ABI3BP: variants seen among roughly 807,000 people sequenced by gnomAD.
ABI3BP encodes target of Nesh-SH3.
In ABI3BP, 216 loss-of-function variants were observed where a neutral mutation model predicts 268.6. The ratio of observed to expected loss-of-function variants is 0.80; its 90% CI spans 0.72 to 0.90. The LOEUF is 0.90. Ranked by LOEUF, ABI3BP falls within the 40% of genes least tolerant of loss-of-function variation. The pLI, the probability that ABI3BP is intolerant of heterozygous loss-of-function variation, is 0.00. For missense variants in ABI3BP, 2,090 were observed against 2,182.4 expected, an observed-to-expected ratio of 0.96 and a Z score of 0.84; for synonymous variants, 730 against 730.0, an observed-to-expected ratio of 1.00 and a Z score of 0.00.
intron 4 of ABI3BP, among the ~76,000 whole-genome samples, chr3:100,887,681 C>T (rs2042622807): frequency 6.6e-6 from 1 of 152,046 alleles, no homozygotes; most frequent in South Asian, 2.1e-4. Flanking sequence ...CTTTCCTCCA[C>T]TCCTTACATC....
intron 1 of ABI3BP, among the ~76,000 whole-genome samples, chr3:100,946,092 C>T (rs1242919755): frequency 2.0e-5 from 3 of 151,882 alleles, no homozygotes; most frequent in East Asian, 1.9e-4. Flanking sequence ...TGAGATTGGC[C>T]GAACATGGTG....
chr3:100,827,473 G>T (rs967000691), intron 34 of ABI3BP, among the ~76,000 whole-genome samples: 6 of 152,098 alleles, frequency 3.9e-5, no homozygotes, highest in African/African-American at 1.4e-4. Context: ...GTGGTATTAA[G>T]TTTGTGCTGT....
chr3:100,884,091 C>T (rs1396406588), intron 6 of ABI3BP, among the ~76,000 whole-genome samples: 2 of 151,894 alleles, frequency 1.3e-5, no homozygotes, highest in African/African-American at 4.8e-5. Flanking sequence ...GTTTAGAAAA[C>T]AAAAGATGTT....
chr3:100,794,260 A>C (rs2097276351), intron 54 of ABI3BP, among the ~76,000 whole-genome samples: 1 of 152,020 alleles, frequency 6.6e-6, no homozygotes, highest in Non-Finnish European at 1.5e-5. Context: ...CTGAGTGTGT[A>C]GATTCTAATC....
intron 48 of ABI3BP, among the ~76,000 whole-genome samples, chr3:100,810,780 A>G (rs1210780643): frequency 6.6e-6 from 1 of 152,166 alleles, no homozygotes; most frequent in Non-Finnish European, 1.5e-5. Flanking sequence ...ATATTATAGT[A>G]TGAGTCATTT....
At chr3:100,972,586 T>C (rs2084122733) in intron 1 of ABI3BP, among the ~76,000 whole-genome samples, 2 of 152,226 alleles carry the variant, frequency 1.3e-5, no homozygotes, top group Admixed American at 1.3e-4. Context: ...GTTTCTCTAA[T>C]TTGCTTATGG....
intron 6 of ABI3BP, among the ~76,000 whole-genome samples, chr3:100,882,533 G>GTTT (rs2039897344): frequency 6.6e-6 from 1 of 151,352 alleles, no homozygotes; most frequent in Non-Finnish European, 1.5e-5. Context: ...AATGAATTTG[G>GTTT]TTTTTCCTTT....
chr3:100,927,688 AG>A (rs2062240427), intron 1 of ABI3BP, among the ~76,000 whole-genome samples: 1 of 152,122 alleles, frequency 6.6e-6, no homozygotes, highest in Non-Finnish European at 1.5e-5. Context: ...CTCTATCACT[AG>A]GGGGAGGTTG....
chr3:100,809,651 C>T (rs936744072), intron 49 of ABI3BP, among the ~76,000 whole-genome samples: 2 of 151,876 alleles, frequency 1.3e-5, no homozygotes, highest in Admixed American at 6.6e-5. Context: ...AATGAGTAAA[C>T]TTAAAATCCA....
At chr3:100,778,663 T>A (rs75585630) in intron 58 of ABI3BP, 4,788 of 314,204 alleles carry the variant, frequency 0.015, 59 homozygotes, top group Non-Finnish European at 0.018. Context: ...CCCCATCAGT[T>A]AATTCAAACA....
intron 31 of ABI3BP, 29 bp from the exon 32 acceptor site, chr3:100,830,663 G>A (rs567673749): frequency 4.0e-6 from 6 of 1,508,952 alleles, no homozygotes; most frequent in East Asian, 4.9e-5. Flanking sequence ...AGAAACCAAA[G>A]AGATTTTGTG....
At chr3:100,911,640 G>T in intron 2 of ABI3BP, 1 of 713,858 alleles carries the variant, frequency 1.4e-6, no homozygotes, top group South Asian at 1.6e-5. Context: ...GGATGTAGAG[G>T]AACCTGATAC....
At chr3:100,955,213 A>G (rs1363503209) in intron 1 of ABI3BP, among the ~76,000 whole-genome samples, 1 of 152,278 alleles carries the variant, frequency 6.6e-6, no homozygotes, top group Non-Finnish European at 1.5e-5. Flanking sequence ...GACTGGATCC[A>G]AGAAAAGAAC....
At position 100,780,186 on chromosome 3, in the gene ABI3BP, A is replaced by G; in HGVS notation, c.4186T>C (p.Ser1396Pro). 6.2e-7 allele frequency: 1 copy of G among 1,612,924 alleles called. No homozygotes were observed. The highest frequency in any genetic ancestry group is 8.5e-7 in the Non-Finnish European group (1 of 1,179,184). Residue 1396 changes from serine (S) to proline (P), a missense_variant, in exon 58 of 68, where the codon TCA (serine) becomes CCA (proline). Coordinates refer to ENST00000471714, the MANE Select transcript of ABI3BP (RefSeq NM_001375547.2). Reference sequence around the variant, plus strand: ...ACTGATACATTTCTATCAGCACCTGATGGCCTGGGTGCTTGCTTGACCCCT... The same window carrying G: ...ACTGATACATTTCTATCAGCACCTGGTGGCCTGGGTGCTTGCTTGACCCCT... ...GTGVKQAPRP[S>P]GADRNVSVDS...
chr3:100,862,113 C>T (rs1379318909), intron 14 of ABI3BP, among the ~76,000 whole-genome samples, 198 bp downstream of exon 14: 2 of 152,158 alleles, frequency 1.3e-5, no homozygotes, highest in African/African-American at 2.4e-5. Flanking sequence ...GAAATTAGAA[C>T]AGGTGTCTTT....
intron 11 of ABI3BP, 24 bp from the exon 12 acceptor site, chr3:100,864,100 A>G: frequency 6.7e-7 from 1 of 1,488,442 alleles, no homozygotes; most frequent in South Asian, 1.2e-5. Flanking sequence ...GAGTGCAGTT[A>G]GCAACTCCTG....
At chr3:100,829,019 A>G (rs2098437969) in intron 33 of ABI3BP, among the ~76,000 whole-genome samples, 3 of 152,096 alleles carry the variant, frequency 2.0e-5, no homozygotes. Flanking sequence ...GACAGCCTCC[A>G]GTGGTCAGAG....
intron 55 of ABI3BP, among the ~76,000 whole-genome samples, chr3:100,790,391 T>A (rs1003668560): frequency 2.6e-5 from 4 of 151,768 alleles, no homozygotes; most frequent in Non-Finnish European, 5.9e-5. Flanking sequence ...TTTGGAAAAA[T>A]TTTTTCTTGC....
intron 46 of ABI3BP, among the ~76,000 whole-genome samples, chr3:100,812,246 C>T (rs927831734): frequency 3.3e-5 from 5 of 152,036 alleles, no homozygotes; most frequent in Admixed American, 6.6e-5. Context: ...ATTTTCGTTT[C>T]GAGTGAGAAT....
Sources: gnomAD v4.1 joint callset for allele counts (sites outside exome capture counted in the v4.1 genomes callset) on GRCh38, gnomAD v4.1.1 for gene constraint, MANE v1.5 for transcripts, NCBI Gene and HGNC (gene_info 2026-07-23, HGNC 2026-07-21) for gene names.